TMTC2: variants seen among roughly 807,000 people sequenced by gnomAD.
TMTC2 encodes protein O-mannosyl-transferase TMTC2.
In TMTC2, 43 loss-of-function variants were observed where a neutral mutation model predicts 82.4. The ratio of observed to expected loss-of-function variants is 0.52; its 90% CI spans 0.41 to 0.67. The LOEUF is 0.67. Ranked by LOEUF, TMTC2 falls within the 30% of genes least tolerant of loss-of-function variation. TMTC2 has a pLI of 0.00. For synonymous variants in TMTC2, 408 were observed against 381.9 expected (o/e 1.07, Z -0.80); for missense variants, 919 against 1,012.4 (o/e 0.91, Z 1.25).
chr12:83,071,225 G>A (rs1883103066), intron 11 of TMTC2, among the ~76,000 whole-genome samples: 1 of 151,130 alleles, frequency 6.6e-6, no homozygotes, highest in Non-Finnish European at 1.5e-5. Context: ...CGCTATCTCG[G>A]CTCACTGCAA....
intron 1 of TMTC2, chr12:82,690,405 A>G: frequency 1.0e-6 from 1 of 985,352 alleles, no homozygotes; most frequent in Non-Finnish European, 1.2e-6. Context: ...TGACTTGCTT[A>G]ACTAAATCAT....
intron 8 of TMTC2, among the ~76,000 whole-genome samples, chr12:83,025,285 A>G (rs1227176196): frequency 1.3e-5 from 2 of 152,024 alleles, no homozygotes; most frequent in Non-Finnish European, 2.9e-5. Context: ...TTGGATGGCT[A>G]TAGAAGAAAA....
At chr12:82,942,847 A>G (rs956978742) in intron 4 of TMTC2, among the ~76,000 whole-genome samples, 3 of 152,170 alleles carry the variant, frequency 2.0e-5, no homozygotes, top group Non-Finnish European at 4.4e-5. Flanking sequence ...TTTATTTAGA[A>G]AAAAAAACAA....
At chr12:83,098,459 C>T (rs1449966830) in intron 11 of TMTC2, among the ~76,000 whole-genome samples, 1 of 152,182 alleles carries the variant, frequency 6.6e-6, no homozygotes, top group Non-Finnish European at 1.5e-5. Context: ...TGTAAGAGAT[C>T]CCTAACTGCT....
chr12:82,955,619 AT>A (rs918760675), intron 4 of TMTC2, among the ~76,000 whole-genome samples: 12 of 152,110 alleles, frequency 7.9e-5, no homozygotes, highest in Non-Finnish European at 1.6e-4. Context: ...AAAAGACAAC[AT>A]TTTGTTATTT....
At chr12:82,879,505 C>G (rs116516802) in intron 2 of TMTC2, among the ~76,000 whole-genome samples, 4,632 of 152,276 alleles carry the variant, frequency 0.03, 256 homozygotes, top group African/African-American at 0.11. Context: ...GGTGGTAATG[C>G]CTGCTCACCG....
At chr12:83,021,536 A>G (rs1380893768) in intron 8 of TMTC2, among the ~76,000 whole-genome samples, 1 of 152,148 alleles carries the variant, frequency 6.6e-6, no homozygotes, top group African/African-American at 2.4e-5. Flanking sequence ...TTAAGGTTGC[A>G]GTGAGCTATA....
At chr12:82,908,183 C>T (rs1874427526) in intron 3 of TMTC2, among the ~76,000 whole-genome samples, 1 of 152,094 alleles carries the variant, frequency 6.6e-6, no homozygotes, top group Non-Finnish European at 1.5e-5. Flanking sequence ...CATTCATAGT[C>T]ATATAAGTAT....
In TMTC2 at chr12:83,023,200, C is replaced by T. The variant is rs1046165185; in HGVS notation, c.2071-7598C>T. On this transcript the variant is annotated intron_variant, in intron 8 of 11. Transcript: ENST00000321196. ...TGAACCCTCAGGAATATTGAATTCT[C>T]TCTTTATTTGGGAAATTTTTTAATA... Among the ~76,000 whole-genome samples the T allele has an allele frequency of 2.0e-5, 3 of 152,154 alleles. No individual in the cohort carries two copies. The East Asian group carries it at 5.8e-4, about 29-fold the overall frequency.
intron 8 of TMTC2, among the ~76,000 whole-genome samples, chr12:82,991,017 C>G (rs1367986797): frequency 1.3e-5 from 2 of 152,158 alleles, no homozygotes; most frequent in African/African-American, 4.8e-5. Flanking sequence ...GGGCGTGCAT[C>G]TCTTCAGTGC....
chr12:82,802,015 C>G (rs1015945151), intron 1 of TMTC2, among the ~76,000 whole-genome samples: 5 of 148,242 alleles, frequency 3.4e-5, no homozygotes, highest in Non-Finnish European at 5.9e-5. Context: ...GAGCTGCCTG[C>G]CAGTCCCACG....
chr12:83,082,777 A>C (rs1215212410), intron 11 of TMTC2, among the ~76,000 whole-genome samples: 1 of 152,130 alleles, frequency 6.6e-6, no homozygotes, highest in Admixed American at 6.5e-5. Flanking sequence ...TGCCTTCCTA[A>C]ATTTATAGAG....
intron 11 of TMTC2, among the ~76,000 whole-genome samples, chr12:83,091,876 T>C (rs564102341): frequency 2.1e-4 from 32 of 152,356 alleles, no homozygotes; most frequent in African/African-American, 7.2e-4. Context: ...GAGTCCATAT[T>C]GAGATTGTGT....
intron 1 of TMTC2, among the ~76,000 whole-genome samples, chr12:82,823,540 CT>C (rs1322765761): frequency 6.6e-6 from 1 of 152,086 alleles, no homozygotes; most frequent in Non-Finnish European, 1.5e-5. Flanking sequence ...AAGTGTTTAG[CT>C]TGTTAGTATT....
At chr12:82,790,076 C>A (rs1878386274) in intron 1 of TMTC2, among the ~76,000 whole-genome samples, 1 of 151,294 alleles carries the variant, frequency 6.6e-6, no homozygotes, top group African/African-American at 2.4e-5. Flanking sequence ...GTGATGTATG[C>A]CTGTGGTCTC....
At chr12:82,806,903 T>A (rs548620812) in intron 1 of TMTC2, among the ~76,000 whole-genome samples, 40 of 152,228 alleles carry the variant, frequency 2.6e-4, no homozygotes, top group Non-Finnish European at 5.3e-4. Context: ...CAGGGTCAGC[T>A]GTATATACAC....
chr12:82,806,708 GA>G (rs112360259), intron 1 of TMTC2, among the ~76,000 whole-genome samples: 8,580 of 152,084 alleles, frequency 0.056, 310 homozygotes, highest in Middle Eastern at 0.14. Context: ...TCTTAAGAGA[GA>G]AAAAAATATA....
chr12:83,092,380 T>C (rs1486534713), intron 11 of TMTC2, among the ~76,000 whole-genome samples: 1 of 152,178 alleles, frequency 6.6e-6, no homozygotes, highest in Non-Finnish European at 1.5e-5. Context: ...TCCCAGTGTG[T>C]TGGAAAACAA....
At chr12:83,060,481 T>C (rs1199840242) in intron 10 of TMTC2, among the ~76,000 whole-genome samples, 1 of 151,780 alleles carries the variant, frequency 6.6e-6, no homozygotes, top group Non-Finnish European at 1.5e-5. Flanking sequence ...ATCCTTTTCC[T>C]GTCATCTTCT....
Sources: allele counts gnomAD v4.1 joint callset (sites outside exome capture counted in the v4.1 genomes callset), GRCh38; gene constraint gnomAD v4.1.1; transcripts MANE v1.5; gene names NCBI Gene and HGNC (gene_info 2026-07-23, HGNC 2026-07-21).